The following PANX2 variants were observed in gnomAD, a reference collection of about 807,000 sequenced individuals.
PANX2 encodes the protein pannexin 2, also known as pannexin-2.
A neutral mutation model predicts 38.7 loss-of-function variants in PANX2; 30 were observed. The observed-to-expected ratio is 0.78, with a 90% CI of 0.58 to 1.05. PANX2 has a LOEUF of 1.05. PANX2 is among the 50% of genes least tolerant of loss of function. The pLI is 0.00. For missense variants in PANX2, 880 were observed against 979.3 expected (o/e 0.90, Z 1.35); for synonymous variants, 539 against 472.1 (o/e 1.14, Z -1.84).
chr22:50,173,149 G>A (rs1240762981), intron 1 of PANX2, among the ~76,000 whole-genome samples: 1 of 151,748 alleles, frequency 6.6e-6, no homozygotes, highest in East Asian at 1.9e-4. Flanking sequence ...GCCCACCTTG[G>A]CCTCCCAAAG....
Position 50,170,946 on chromosome 22 carries a change from G to C in PANX2, c.216G>C (p.Lys72Asn). The part of the protein sequence containing the change: ...PILLVTLVFT[K>N]NFAEEPIYCY... ...TGCTGGTCACCCTGGTCTTCACCAA[G>C]AACTTCGCAGGTGAGGCCGGCGGCC... Residue 72 changes from lysine to asparagine, a missense_variant, in exon 1 of 3, where the codon AAG becomes AAC. Coordinates refer to ENST00000395842, the MANE Select transcript of PANX2 (RefSeq NM_052839.4). 6.6e-7 allele frequency: 1 copy of C among 1,507,256 alleles called. No individual in the cohort carries two copies. Among genetic ancestry groups the C allele is most frequent in the East Asian group, 2.8e-5 (1 of 35,702 alleles). The allele number at this position is 1,507,256 out of a possible 1,614,324, so 93.4% of individuals were successfully genotyped here. A position where few individuals can be genotyped will look rare whatever the true frequency, so the allele number is the denominator to read the frequency against.
In PANX2 at chr22:50,179,152, G is replaced by C. The variant is rs752306145; in HGVS notation, c.1909G>C (p.Glu637Gln). Residue 637 changes from glutamate (E) to glutamine (Q), a missense_variant, in exon 3 of 3, where the codon GAG becomes CAG. Glu to Gln is a conservative substitution (Grantham distance 29, BLOSUM62 2). Around this residue, in one of 4 missense-constraint regions of PANX2, gnomAD observed 445 missense variants for 404.3 expected, o/e 1.10. Coordinates refer to ENST00000395842, the MANE Select transcript of PANX2 (RefSeq NM_052839.4). The part of the protein sequence containing the change: ...HINTLYEARE[E>Q]EDGGPRLPQD... Reference sequence around the variant, plus strand: ...CAACACGCTGTACGAGGCCCGGGAGGAGGAGGACGGGGGCCCCCGCCTGCC... The same window carrying C: ...CAACACGCTGTACGAGGCCCGGGAGCAGGAGGACGGGGGCCCCCGCCTGCC... The C allele has an allele frequency of 1.9e-6, 3 of 1,612,416 alleles. No homozygotes were observed. Among genetic ancestry groups the C allele is most frequent in the Non-Finnish European group, 2.5e-6 (3 of 1,179,790 alleles).
chr22:50,176,850 C>A, intron 1 of PANX2, 89 bp from the exon 2 acceptor site: 1 of 1,351,624 alleles, frequency 7.4e-7, no homozygotes, highest in Non-Finnish European at 9.7e-7. Flanking sequence ...GGGAGGGGTT[C>A]GGCAGGGACG....
rs2063677531 is a variant in PANX2, at chr22:50,178,361, C to T, written c.1649C>T (p.Ala550Val). The change falls in exon 2 of 3, where the codon GCG (alanine) becomes GTG (valine). Residue 550 changes from alanine (A) to valine (V), a missense_variant. Transcript: ENST00000395842. ...CAGGAGGGGGGCTTCCTGTCCCAGG[C>T]GGAGGACTGTGGGCTAGGCCTGGCC... is the stretch of plus-strand genomic sequence containing the variant. ...RSQEGGFLSQ[A>V]EDCGLGLAPA... 2.7e-6 allele frequency: 4 copies of T among 1,483,676 alleles called. No individual in the cohort carries two copies. Among genetic ancestry groups the T allele is most frequent in the East Asian group, 2.6e-5 (1 of 38,172 alleles). 91.9% of individuals were successfully genotyped at this position (1,483,676 alleles called of 1,614,324 possible). A position where few individuals can be genotyped will look rare whatever the true frequency, so the allele number is the denominator to read the frequency against.
chr22:50,179,417 G>A lies in PANX2; in HGVS notation c.*140G>A, dbSNP rs1297107107. ...GCGCATCCCCAACCTCTGTCCGCAT[G>A]CCTGGGGCCTTCGCCCCCACGTGCT... On this transcript the variant is annotated 3_prime_UTR_variant, in exon 3 of 3. Transcript: ENST00000395842. 2 of 758,104 alleles carry A rather than the reference G, an allele frequency of 2.6e-6. No individual in the cohort carries two copies. The highest frequency in any genetic ancestry group is 3.6e-5 in the African/African-American group (2 of 56,330). 47.0% of individuals were successfully genotyped at this position (758,104 alleles called of 1,614,324 possible). A position where few individuals can be genotyped will look rare whatever the true frequency, so the allele number is the denominator to read the frequency against.
rs373666320 is a variant in PANX2, at chr22:50,179,805, G to A, written c.*528G>A. 42 of 157,876 alleles carry A rather than the reference G, an allele frequency of 2.7e-4. No individual in the cohort carries two copies. The highest frequency in any genetic ancestry group is 6.6e-3 in the Middle Eastern group (2 of 304). 9.8% of individuals were successfully genotyped at this position (157,876 alleles called of 1,614,324 possible). A position where few individuals can be genotyped will look rare whatever the true frequency, so the allele number is the denominator to read the frequency against. The stretch of plus-strand genomic sequence containing the variant: ...GTGGGAGGGACCGAGGTCCACCCTC[G>A]GGTCAAAGGTCAACGTGCACTTTCT... On this transcript the variant is annotated 3_prime_UTR_variant, in exon 3 of 3. Coordinates refer to ENST00000395842, the MANE Select transcript of PANX2 (RefSeq NM_052839.4).
rs762320788 is a variant in PANX2, at chr22:50,177,024, G to A, written c.312G>A (p.Arg104=). 3 of 1,605,502 alleles carry A rather than the reference G, an allele frequency of 1.9e-6. No individual in the cohort carries two copies. The highest frequency in any genetic ancestry group is 2.7e-5 in the African/African-American group (2 of 74,960). ...GCGGCTACTGCTGGACGGAGCTGCG[G>A]GACGCGCTGCCCGGCGTGGACGCCA... ...YARGYCWTEL[R]DALPGVDASL... is the part of the protein sequence containing the mutation. The change falls in exon 2 of 3, where the codon CGG becomes CGA. Residue 104 remains arginine, a synonymous_variant. Transcript: ENST00000395842.
intron 1 of PANX2, among the ~76,000 whole-genome samples, chr22:50,176,234 A>C (rs900727493): frequency 2.6e-5 from 4 of 152,240 alleles, no homozygotes; most frequent in African/African-American, 9.6e-5. Context: ...CAGACTCTTG[A>C]GGGAAAACAC....
At position 50,179,160 on chromosome 22, in the gene PANX2, C is replaced by CG. The variant is rs570684262; in HGVS notation, c.1922dup (p.Arg643ProfsTer121). On this transcript the variant is annotated frameshift_variant, in exon 3 of 3. Coordinates refer to ENST00000395842, the MANE Select transcript of PANX2 (RefSeq NM_052839.4). LOFTEE classifies it high-confidence loss of function. ...TGTACGAGGCCCGGGAGGAGGAGGA[C>CG]GGGGGCCCCCGCCTGCCGCAGGACG... is the stretch of plus-strand genomic sequence containing the variant. 2 of 1,611,768 alleles carry CG rather than the reference C, an allele frequency of 1.2e-6. No homozygotes were observed. The highest frequency in any genetic ancestry group is 1.1e-5 in the South Asian group (1 of 90,988).
chr22:50,177,525 G>A lies in PANX2; in HGVS notation c.813G>A (p.Ala271=). ...CGTCCCCGGACGGGGCGGCAGGTGC[G>A]GGGCCCGCGGTGCGCGTGAGCTGCA... ...LGASPDGAAG[A]GPAVRVSCKL... The change falls in exon 2 of 3, where the codon GCG becomes GCA. Residue 271 remains alanine (A), a synonymous_variant. Coordinates refer to ENST00000395842, the MANE Select transcript of PANX2 (RefSeq NM_052839.4). 3 of 1,609,582 alleles carry A rather than the reference G, an allele frequency of 1.9e-6. No homozygotes were observed. The highest frequency in any genetic ancestry group is 2.5e-6 in the Non-Finnish European group (3 of 1,178,428).
At chr22:50,173,037 C>T (rs191684685) in intron 1 of PANX2, among the ~76,000 whole-genome samples, 262 of 152,134 alleles carry the variant, frequency 1.7e-3, no homozygotes, top group African/African-American at 6.0e-3. Context: ...GCTGGGACTA[C>T]AGGCGCCCGC....
rs1200844162 is a variant in PANX2 at position 50,177,647 on chromosome 22, T to C, written c.935T>C (p.Leu312Pro). ...ATCATCCTCGTCAACCTCATCCACC[T>C]CTTCATCTTCCGCAAGAGCAACTTC... Reference protein sequence around the residue: ...NLIILVNLIHLFIFRKSNFIF... With the variant: ...NLIILVNLIHPFIFRKSNFIF... The change falls in exon 2 of 3, where the codon CTC becomes CCC. Residue 312 changes from leucine to proline, a missense_variant. Around this residue, in one of 4 missense-constraint regions of PANX2, gnomAD observed 78 missense variants for 133.1 expected, o/e 0.59. Coordinates refer to ENST00000395842, the MANE Select transcript of PANX2 (RefSeq NM_052839.4). 1.2e-6 allele frequency: 2 copies of C among 1,612,764 alleles called. No homozygotes were observed. The highest frequency in any genetic ancestry group is 1.7e-6 in the Non-Finnish European group (2 of 1,179,988).
At position 50,177,761 on chromosome 22, in the gene PANX2, TCTGCA is replaced by T; in HGVS notation, c.1050_1054del (p.Phe350LeufsTer155). 6.2e-7 allele frequency: 1 copy of T among 1,608,482 alleles called. No homozygotes were observed. The highest frequency in any genetic ancestry group is 8.5e-7 in the Non-Finnish European group (1 of 1,179,782). On this transcript the variant is annotated frameshift_variant, in exon 2 of 3. Coordinates refer to ENST00000395842, the MANE Select transcript of PANX2 (RefSeq NM_052839.4). LOFTEE classifies it high-confidence loss of function. Reference sequence around the variant, plus strand: ...TGCGACATCAACATCCTGGCCATGTTCTGCAACGAGAACCGCGACCACATCAAGTC... The same window carrying T: ...TGCGACATCAACATCCTGGCCATGTTACGAGAACCGCGACCACATCAAGTC...
At position 50,177,326 on chromosome 22, in the gene PANX2, C is replaced by T. The variant is rs891667293; in HGVS notation, c.614C>T (p.Pro205Leu). 1.2e-6 allele frequency: 2 copies of T among 1,610,698 alleles called. No homozygotes were observed. Among genetic ancestry groups the T allele is most frequent in the South Asian group, 1.1e-5 (1 of 90,836 alleles). Reference sequence around the variant, plus strand: ...GAGAACGCGGAGAAGGAGAAGAGCCCGGAGCAGAACCTGTTCGAGAAGTAC... The same window carrying T: ...GAGAACGCGGAGAAGGAGAAGAGCCTGGAGCAGAACCTGTTCGAGAAGTAC... ...IIENAEKEKS[P>L]EQNLFEKYLE... Residue 205 changes from proline (P) to leucine (L), a missense_variant, in exon 2 of 3, where the codon CCG (proline) becomes CTG (leucine). Around this residue, in one of 4 missense-constraint regions of PANX2, gnomAD observed 243 missense variants for 333.1 expected, o/e 0.73. Transcript: ENST00000395842.
intron 2 of PANX2, 131 bp downstream of exon 2, chr22:50,178,533 G>T (rs549791262): frequency 1.7e-6 from 1 of 594,870 alleles, no homozygotes; most frequent in Non-Finnish European, 2.7e-6. Context: ...CCCCTCAAAG[G>T]GGGAAGGGAG....
At chr22:50,176,896 G>C in intron 1 of PANX2, 43 bp from the exon 2 acceptor site, 1 of 1,479,000 alleles carries the variant, frequency 6.8e-7, no homozygotes, top group Non-Finnish European at 8.9e-7. Flanking sequence ...AGCCCAGCCC[G>C]TGCGCCTCCC....
Position 50,178,287 on chromosome 22 carries a change from G to GAAGGCC in PANX2, c.1582_1587dup (p.Lys528_Ala529dup). The GAAGGCC allele has an allele frequency of 6.6e-7, 1 of 1,517,374 alleles. No homozygotes were observed. The highest frequency in any genetic ancestry group is 1.2e-5 in the South Asian group (1 of 82,234). 94.0% of individuals were successfully genotyped at this position (1,517,374 alleles called of 1,614,324 possible). A position where few individuals can be genotyped will look rare whatever the true frequency, so the allele number is the denominator to read the frequency against. On this transcript the variant is annotated inframe_insertion, in exon 2 of 3. Transcript: ENST00000395842. ...TGCACCCCTACATCCTCGGCACCAA[G>GAAGGCC]AAGGCCAAGGCCGAGGCGGTGCCCG... is the stretch of plus-strand genomic sequence containing the variant.
At chr22:50,175,463 G>A in intron 1 of PANX2, 1 of 1,299,000 alleles carries the variant, frequency 7.7e-7, no homozygotes, top group Non-Finnish European at 1.0e-6. Context: ...CCTGGGATTG[G>A]CTGTGAGGAC....
At chr22:50,172,819 C>T (rs1005914388) in intron 1 of PANX2, among the ~76,000 whole-genome samples, 12 of 152,120 alleles carry the variant, frequency 7.9e-5, no homozygotes, top group African/African-American at 2.9e-4. Context: ...ACCTTTGCCT[C>T]CCGGGTTCAA....
Sources: gnomAD v4.1 joint callset for allele counts (sites outside exome capture counted in the v4.1 genomes callset) on GRCh38, gnomAD v4.1.1 for gene constraint, gnomAD v4.1.1 regional missense constraint, MANE v1.5 for transcripts, NCBI Gene and HGNC (gene_info 2026-07-23, HGNC 2026-07-21) for gene names.